The following MRE11 variants were observed in gnomAD, a reference collection of about 807,000 sequenced individuals.
MRE11 encodes the protein MRE11 double strand break repair nuclease.
Under a neutral mutation model 91.7 loss-of-function variants are expected in MRE11, and 62 were observed. The ratio of observed to expected loss-of-function variants is 0.68; its 90% confidence interval spans 0.55 to 0.84. The LOEUF (loss-of-function observed/expected upper bound fraction) is 0.84. Ranked by LOEUF, MRE11 falls within the 40% of genes least tolerant of loss-of-function variation. MRE11 has a pLI of 0.00. For synonymous variants in MRE11, 273 were observed against 271.4 expected (o/e 1.01, Z -0.06); for missense variants, 796 against 852.9 (o/e 0.93, Z 0.83).
chr11:94,506,557 TGAA>T, the MRE11 span, among the ~76,000 whole-genome samples: 4 of 150,596 alleles, frequency 2.7e-5, no homozygotes, highest in Non-Finnish European at 5.9e-5. Context: ...TTTTTGGTAA[TGAA>T]GAAAAAAGAG....
chr11:94,427,401 A>T (rs1400393708), intron 19 of MRE11, among the ~76,000 whole-genome samples: 1 of 152,196 alleles, frequency 6.6e-6, no homozygotes, highest in Non-Finnish European at 1.5e-5. Flanking sequence ...CCTCAAAATA[A>T]TAAGAGCCAG....
At chr11:94,459,685 T>A in intron 12 of MRE11, 104 bp from the exon 13 acceptor site, 1 of 1,243,118 alleles carries the variant, frequency 8.0e-7, no homozygotes, top group Non-Finnish European at 1.1e-6. Context: ...AGAAAAAATA[T>A]AGTGAACAGC....
At chr11:94,477,556 G>A (rs963765251) in intron 6 of MRE11, among the ~76,000 whole-genome samples, 2 of 152,178 alleles carry the variant, frequency 1.3e-5, no homozygotes, top group Non-Finnish European at 1.5e-5. Flanking sequence ...AAGTCTAGAA[G>A]TTAGAAGTGG....
At chr11:94,507,338 A>T in the MRE11 span, among the ~76,000 whole-genome samples, 1,864 of 152,310 alleles carry the variant, frequency 0.012, 43 homozygotes, top group African/African-American at 0.043. Flanking sequence ...CGTTATATGA[A>T]TATGTAATAA....
At chr11:94,505,775 G>C in the MRE11 span, among the ~76,000 whole-genome samples, 1 of 152,138 alleles carries the variant, frequency 6.6e-6, no homozygotes, top group African/African-American at 2.4e-5. Context: ...GCAACACCAA[G>C]TCCTTCAAGC....
intron 4 of MRE11, among the ~76,000 whole-genome samples, chr11:94,483,531 C>T (rs962576429): frequency 6.6e-6 from 1 of 152,212 alleles, no homozygotes; most frequent in Non-Finnish European, 1.5e-5. Flanking sequence ...AGCACAACCT[C>T]TCTCTTTGCC....
At chr11:94,503,352 G>A in the MRE11 span, among the ~76,000 whole-genome samples, 9 of 152,110 alleles carry the variant, frequency 5.9e-5, no homozygotes, top group East Asian at 1.9e-4. Context: ...TATGGCACAC[G>A]AACATAGATA....
At chr11:94,473,931 G>C (rs1565230593) in intron 7 of MRE11, among the ~76,000 whole-genome samples, 1 of 152,062 alleles carries the variant, frequency 6.6e-6, no homozygotes, top group Non-Finnish European at 1.5e-5. Context: ...TCACAAGTAA[G>C]GAAAGGGAGA....
intron 13 of MRE11, among the ~76,000 whole-genome samples, chr11:94,457,887 T>TCA (rs1555008822): frequency 0.17 from 24,680 of 144,206 alleles, 2,277 homozygotes; most frequent in East Asian, 0.23. Context: ...TCTCTCTCTC[T>TCA]CACACACACA....
chr11:94,447,804 C>A (rs560007242), intron 14 of MRE11, among the ~76,000 whole-genome samples: 99 of 152,060 alleles, frequency 6.5e-4, no homozygotes, highest in African/African-American at 2.3e-3. Flanking sequence ...CCACTGCACT[C>A]CAGCCTGGGT....
chr11:94,415,576 T>C lies in MRE11; in HGVS notation c.*4549A>G, dbSNP rs1488840349. 2.0e-5 allele frequency: 3 copies of C among 152,198 alleles called. No individual in the cohort carries two copies. Among genetic ancestry groups the C allele is most frequent in the Non-Finnish European group, 4.4e-5 (3 of 68,028 alleles). 9.4% of individuals were successfully genotyped at this position (152,198 alleles called of 1,614,324 possible). A position where few individuals can be genotyped will look rare whatever the true frequency, so the allele number is the denominator to read the frequency against. ...TTAAAAATCACTTTACCACTTTTAA[T>C]GTCAAGGCACCACAGATTAAATATC... On this transcript the variant is annotated 3_prime_UTR_variant, in exon 20 of 20. Coordinates refer to ENST00000323929, the MANE Select transcript of MRE11 (RefSeq NM_005591.4).
At chr11:94,470,442 A>T (rs1469969287) in intron 9 of MRE11, 29 bp downstream of exon 9, 1 of 1,602,452 alleles carries the variant, frequency 6.2e-7, no homozygotes, top group African/African-American at 1.3e-5. Flanking sequence ...ACTAAAGTAG[A>T]TCTCATTGAC....
chr11:94,471,729 T>C lies in MRE11; in HGVS notation c.690A>G (p.Pro230=), dbSNP rs786203787. The change falls in exon 8 of 20, where the codon CCA becomes CCG. Residue 230 remains proline (P), a synonymous_variant. Transcript: ENST00000323929. ...RSKHGSTNFI[P]EQFLDDFIDL... is the part of the protein sequence containing the mutation. ...CAATGAAGTCATCCAAAAATTGTTCTGGAATGAAGTTAGTACTTCCATGTT... is the reference window on the plus strand; with the variant it reads ...CAATGAAGTCATCCAAAAATTGTTCCGGAATGAAGTTAGTACTTCCATGTT... 34 of 1,612,156 alleles carry C rather than the reference T, an allele frequency of 2.1e-5. No individual in the cohort carries two copies. Among genetic ancestry groups the C allele is most frequent in the Admixed American group, 5.0e-5 (3 of 59,836 alleles).
the MRE11 span, among the ~76,000 whole-genome samples, chr11:94,500,567 T>C: frequency 6.6e-6 from 1 of 152,238 alleles, no homozygotes. Flanking sequence ...CAAAGACTTA[T>C]TAAAAAATAA....
chr11:94,498,875 G>T, upstream of MRE11: 2 of 249,000 alleles, frequency 8.0e-6, no homozygotes, highest in East Asian at 1.1e-4. Context: ...ATCTTTGTTG[G>T]GTATTTAGTA....
intron 13 of MRE11, among the ~76,000 whole-genome samples, 177 bp from the exon 14 acceptor site, chr11:94,456,515 TAAAAA>T (rs3832746): frequency 6.7e-6 from 1 of 149,730 alleles, no homozygotes; most frequent in African/African-American, 2.4e-5. Context: ...AATGTACTCT[TAAAAA>T]AAAAAACTCA....
the MRE11 span, among the ~76,000 whole-genome samples, chr11:94,511,964 T>C: frequency 1.3e-5 from 2 of 152,264 alleles, no homozygotes; most frequent in Admixed American, 6.5e-5. Flanking sequence ...AATATAATAA[T>C]TCACAACGTG....
intron 7 of MRE11, among the ~76,000 whole-genome samples, chr11:94,474,764 T>C (rs1481067892): frequency 6.6e-6 from 1 of 152,160 alleles, no homozygotes; most frequent in Non-Finnish European, 1.5e-5. Flanking sequence ...ATCAACATCA[T>C]ATGGTGACTA....
chr11:94,425,732 C>A (rs1354937850), intron 19 of MRE11, among the ~76,000 whole-genome samples: 1 of 152,106 alleles, frequency 6.6e-6, no homozygotes, highest in Non-Finnish European at 1.5e-5. Context: ...AACCAACCAA[C>A]AGTAAAAAGG....
Sources: allele counts gnomAD v4.1 joint callset (sites outside exome capture counted in the v4.1 genomes callset), GRCh38; gene constraint gnomAD v4.1.1; transcripts MANE v1.5; gene names NCBI Gene and HGNC (gene_info 2026-07-23, HGNC 2026-07-21).